Variants in DCP2 observed in about 807,000 individuals in gnomAD.
DCP2 encodes the protein decapping mRNA 2.
DCP2 carries 30 observed loss-of-function variants against 56.1 expected under a neutral mutation model. That is an observed-to-expected ratio of 0.53 (90% CI 0.40 to 0.73). The LOEUF (loss-of-function observed/expected upper bound fraction) is 0.73, where lower values mean the gene tolerates loss of function less well. DCP2 is among the 30% of genes least tolerant of loss of function. DCP2 has a pLI of 0.00. For synonymous variants in DCP2, 197 were observed against 163.3 expected (o/e 1.21, Z -1.57); for missense variants, 533 against 502.7 (o/e 1.06, Z -0.58).
chr5:112,978,299 A>T (rs1481887775), intron 1 of DCP2, among the ~76,000 whole-genome samples: 1 of 152,196 alleles, frequency 6.6e-6, no homozygotes, highest in Non-Finnish European at 1.5e-5. Flanking sequence ...TGCACCAGGC[A>T]CTACCTTTAC....
intron 4 of DCP2, among the ~76,000 whole-genome samples, 199 bp downstream of exon 4, chr5:112,992,969 C>G (rs565071806): frequency 1.3e-5 from 2 of 151,390 alleles, no homozygotes; most frequent in African/African-American, 4.8e-5. Flanking sequence ...TTATCTGTTC[C>G]CATTTTTTTT....
intron 1 of DCP2, chr5:112,984,703 A>AAAAAATATATATATATATATAT: frequency 3.1e-5 from 2 of 64,856 alleles, no homozygotes; most frequent in East Asian, 4.8e-4. Flanking sequence ...AAAAAAAAAA[A>AAAAAATATATATATATATATAT]ATATATATAT....
intron 8 of DCP2, among the ~76,000 whole-genome samples, chr5:113,007,349 A>G (rs970049776): frequency 2.0e-5 from 3 of 151,886 alleles, no homozygotes; most frequent in African/African-American, 7.2e-5. Context: ...ATAAGCAGAC[A>G]TGGGATAAGG....
intron 1 of DCP2, among the ~76,000 whole-genome samples, chr5:112,982,271 A>G (rs957608115): frequency 5.9e-5 from 9 of 152,076 alleles, no homozygotes; most frequent in Non-Finnish European, 1.3e-4. Context: ...TTTCGACAGA[A>G]TCCTTTTTTC....
At chr5:112,987,411 G>A (rs1218307766) in intron 2 of DCP2, among the ~76,000 whole-genome samples, 1 of 152,072 alleles carries the variant, frequency 6.6e-6, no homozygotes, top group South Asian at 2.1e-4. Flanking sequence ...GGCATCGTAT[G>A]GGTTCTTAAA....
chr5:113,008,135 G>A (rs1749524119), intron 9 of DCP2, 93 bp downstream of exon 9: 1 of 1,086,524 alleles, frequency 9.2e-7, no homozygotes. Flanking sequence ...TACTTGTTTT[G>A]TTCTTATTTT....
At chr5:112,992,873 C>A in intron 4 of DCP2, 103 bp downstream of exon 4, 2 of 727,198 alleles carry the variant, frequency 2.8e-6, no homozygotes, top group Non-Finnish European at 4.0e-6. Context: ...TTAACCCTTT[C>A]CAGAACTTGA....
At chr5:113,001,947 A>C (rs1261292620) in intron 7 of DCP2, among the ~76,000 whole-genome samples, 2 of 152,196 alleles carry the variant, frequency 1.3e-5, no homozygotes, top group African/African-American at 4.8e-5. Context: ...AAGGAAAAAA[A>C]ATCTTGTGTC....
rs984897688 is a variant in DCP2 at position 113,020,867 on chromosome 5, G to C, written c.*7383G>C. 4.6e-5 allele frequency: 7 copies of C among 152,184 alleles called. No homozygotes were observed. The highest frequency in any genetic ancestry group is 1.4e-4 in the African/African-American group (6 of 41,442). 9.4% of individuals were successfully genotyped at this position (152,184 alleles called of 1,614,324 possible). The stretch of plus-strand genomic sequence containing the variant: ...ACAAAATACAATTTGAACGATGGAA[G>C]GTTGTTCAGATACTGGCTTTCTGTA... On this transcript the variant is annotated 3_prime_UTR_variant, in exon 11 of 11. Coordinates refer to ENST00000389063, the MANE Select transcript of DCP2 (RefSeq NM_152624.6).
At position 113,001,393 on chromosome 5, in the gene DCP2, C is replaced by A. The variant is rs764554877; in HGVS notation, c.622C>A (p.His208Asn). The change falls in exon 6 of 11, where the codon CAT (histidine) becomes AAT (asparagine). Residue 208 changes from histidine (H) to asparagine (N), a missense_variant. Coordinates refer to ENST00000389063, the MANE Select transcript of DCP2 (RefSeq NM_152624.6). ...GTTCTCTATTGAGAAATTGCCTTGTCATAGAAATGATATGACCCCCAAATC... is the reference window on the plus strand; with the variant it reads ...GTTCTCTATTGAGAAATTGCCTTGTAATAGAAATGATATGACCCCCAAATC... ...EWFSIEKLPC[H>N]RNDMTPKSKL... is the part of the protein sequence containing the mutation. 6.2e-7 allele frequency: 1 copy of A among 1,613,792 alleles called. No individual in the cohort carries two copies. Among genetic ancestry groups the A allele is most frequent in the South Asian group, 1.1e-5 (1 of 90,960 alleles).
chr5:113,003,100 A>G (rs1749254008), intron 7 of DCP2, among the ~76,000 whole-genome samples: 1 of 152,146 alleles, frequency 6.6e-6, no homozygotes, highest in Admixed American at 6.5e-5. Context: ...TTCTGAGGAC[A>G]GGAGCTTGGA....
At chr5:113,003,892 A>G in intron 7 of DCP2, 50 bp from the exon 8 acceptor site, 1 of 1,599,874 alleles carries the variant, frequency 6.3e-7, no homozygotes, top group Non-Finnish European at 8.6e-7. Flanking sequence ...TGTTAAAAGA[A>G]CTATAAGTGA....
In DCP2 at chr5:112,976,991, CG is replaced by C. The variant is rs2150162737; in HGVS notation, c.53+6del. 2.6e-6 allele frequency: 4 copies of C among 1,542,500 alleles called. No homozygotes were observed. The East Asian group carries it at 7.3e-5, about 28-fold the overall frequency. ...CGTCCTGGACGATCTCTGCAGGTACCGCGCTACCCGACCCCCTTTCGCCCCC... is the reference window on the plus strand; with the variant it reads ...CGTCCTGGACGATCTCTGCAGGTACCCGCTACCCGACCCCCTTTCGCCCCC... On this transcript the variant is annotated splice_donor_region_variant and intron_variant, in intron 1 of 10. Coordinates refer to ENST00000389063, the MANE Select transcript of DCP2 (RefSeq NM_152624.6).
chr5:112,976,863 T>G lies in DCP2; in HGVS notation c.-71T>G, dbSNP rs369156556. ...CTGCCAGCTCTCCGGCGAGCCGGAG[T>G]CCTAGTGCCGTACCGTCAGTCCCCG... On this transcript the variant is annotated 5_prime_UTR_variant, in exon 1 of 11. Transcript: ENST00000389063. 186 of 1,518,514 alleles carry G rather than the reference T, an allele frequency of 1.2e-4. No individual in the cohort carries two copies. Among genetic ancestry groups the G allele is most frequent in the Middle Eastern group, 1.2e-3 (7 of 5,888 alleles). 94.1% of individuals were successfully genotyped at this position (1,518,514 alleles called of 1,614,324 possible).
chr5:113,020,859 C>T lies in DCP2; in HGVS notation c.*7375C>T, dbSNP rs998767580. 4 of 152,072 alleles carry T rather than the reference C, an allele frequency of 2.6e-5. No individual in the cohort carries two copies. The highest frequency in any genetic ancestry group is 4.4e-5 in the Non-Finnish European group (3 of 68,008). 9.4% of individuals were successfully genotyped at this position (152,072 alleles called of 1,614,324 possible). On this transcript the variant is annotated 3_prime_UTR_variant, in exon 11 of 11. Transcript: ENST00000389063. Reference sequence around the variant, plus strand: ...TTAATCTTACAAAATACAATTTGAACGATGGAAGGTTGTTCAGATACTGGC... The same window carrying T: ...TTAATCTTACAAAATACAATTTGAATGATGGAAGGTTGTTCAGATACTGGC...
intron 2 of DCP2, among the ~76,000 whole-genome samples, chr5:112,990,399 C>T (rs1748525303): frequency 6.6e-6 from 1 of 152,238 alleles, no homozygotes; most frequent in Non-Finnish European, 1.5e-5. Context: ...ACAAGAGTAT[C>T]CCACATTTGC....
In DCP2 at chr5:113,021,492, T is replaced by C. The variant is rs1378689066; in HGVS notation, c.*8008T>C. Among the ~76,000 whole-genome samples the C allele has an allele frequency of 6.6e-6, 1 of 151,732 alleles. No homozygotes were observed. Among genetic ancestry groups the C allele is most frequent in the African/African-American group, 2.4e-5 (1 of 41,250 alleles). On this transcript the variant is annotated 3_prime_UTR_variant, in exon 11 of 11. Transcript: ENST00000389063. ...TTGTTGCTTTAAAGCAAGATTATAG[T>C]GTAGGGCTTGAGATGTGAATTCATT...
chr5:113,010,681 T>A, intron 9 of DCP2, 75 bp from the exon 10 acceptor site: 1 of 1,395,894 alleles, frequency 7.2e-7, no homozygotes, highest in Non-Finnish European at 9.4e-7. Context: ...ATACATCTTT[T>A]GATTTTTAAT....
In DCP2 at chr5:113,014,136, GA is replaced by G; in HGVS notation, c.*653del. ...GGAGGGGCTTGAGTGGATGGGAGCTGATGCTGTGATTTTGAGCTGTGGTTAC... is the reference window on the plus strand; with the variant it reads ...GGAGGGGCTTGAGTGGATGGGAGCTGTGCTGTGATTTTGAGCTGTGGTTAC... On this transcript the variant is annotated 3_prime_UTR_variant, in exon 11 of 11. Coordinates refer to ENST00000389063, the MANE Select transcript of DCP2 (RefSeq NM_152624.6). 6.6e-6 allele frequency: 1 copy of G among 152,330 alleles called. No individual in the cohort carries two copies. The highest frequency in any genetic ancestry group is 1.9e-4 in the East Asian group (1 of 5,206). 9.4% of individuals were successfully genotyped at this position (152,330 alleles called of 1,614,324 possible).
Sources: gnomAD v4.1 joint callset for allele counts (sites outside exome capture counted in the v4.1 genomes callset) on GRCh38, gnomAD v4.1.1 for gene constraint, MANE v1.5 for transcripts, NCBI Gene and HGNC (gene_info 2026-07-23, HGNC 2026-07-21) for gene names.